Variants in EVL observed in about 807,000 individuals in gnomAD.
EVL encodes the protein ena/VASP-like protein.
A neutral mutation model predicts 59.6 loss-of-function variants in EVL; 21 were observed. The observed-to-expected ratio is 0.35, with a 90% CI of 0.25 to 0.51. The LOEUF (loss-of-function observed/expected upper bound fraction) is 0.51, where lower values mean the gene tolerates loss of function less well. Ranked by LOEUF, EVL falls within the 20% of genes least tolerant of loss-of-function variation. EVL has a pLI of 0.97. For synonymous variants in EVL, 198 were observed against 203.5 expected, an observed-to-expected ratio of 0.97 and a Z score of 0.23; for missense variants, 462 against 546.6, an observed-to-expected ratio of 0.85 and a Z score of 1.54.
At chr14:100,100,784 CAA>C (rs60820079) in intron 3 of EVL, among the ~76,000 whole-genome samples, 70 of 47,672 alleles carry the variant, frequency 1.5e-3, no homozygotes, top group South Asian at 5.4e-3. Context: ...GAGTCTGTCT[CAA>C]AAAAAAAAAA....
rs978996662 is a variant in EVL at position 99,972,070 on chromosome 14, C to G, written c.5+13C>G. 6.5e-6 allele frequency: 2 copies of G among 306,468 alleles called. No individual in the cohort carries two copies. The highest frequency in any genetic ancestry group is 4.4e-5 in the African/African-American group (2 of 45,230). The allele number at this position is 306,468 out of a possible 1,614,324, so 19.0% of individuals were successfully genotyped here. On this transcript the variant is annotated intron_variant, in intron 1 of 13. Coordinates refer to the EVL transcript ENST00000402714. This position sits in a 1 kb window ranked among gnomAD's most constrained non-coding sequence, Gnocchi z 4.4. ...CAGCGACAATGAGGTGAGTCGGGGCCGGCGCCTCGTGGGAGGTGGCAGCGG... is the reference window on the plus strand; with the variant it reads ...CAGCGACAATGAGGTGAGTCGGGGCGGGCGCCTCGTGGGAGGTGGCAGCGG...
At chr14:100,118,798 A>G (rs1345854706) in intron 3 of EVL, among the ~76,000 whole-genome samples, 1 of 152,094 alleles carries the variant, frequency 6.6e-6, no homozygotes, top group Non-Finnish European at 1.5e-5. Flanking sequence ...TCCCCAGCTC[A>G]TGGCTCCTAA....
intron 1 of EVL, chr14:99,974,189 C>T (rs1445959395): frequency 6.6e-6 from 1 of 152,164 alleles, no homozygotes; most frequent in Non-Finnish European, 1.5e-5. Flanking sequence ...ACAACCATTA[C>T]CACATCTAAT....
At chr14:99,988,597 G>A (rs939474555) in intron 1 of EVL, among the ~76,000 whole-genome samples, 20 of 152,132 alleles carry the variant, frequency 1.3e-4, no homozygotes, top group Admixed American at 3.9e-4. Flanking sequence ...ATAGCCAAGA[G>A]AAATTAGAAC....
intron 3 of EVL, among the ~76,000 whole-genome samples, chr14:100,119,720 C>G (rs773389360): frequency 2.0e-5 from 3 of 152,156 alleles, no homozygotes; most frequent in Non-Finnish European, 4.4e-5. Flanking sequence ...TATTCCTCAC[C>G]GCAGCTTGGT....
Position 100,141,792 on chromosome 14 carries a change from C to T in EVL, c.1218C>T (p.Asp406=), listed in dbSNP as rs375842545. Residue 406 remains aspartate, a splice_region_variant and synonymous_variant, in exon 13 of 14, where the codon GAC becomes GAT. Coordinates refer to ENST00000392920, the MANE Select transcript of EVL (RefSeq NM_016337.3). ...ELHKVKEEII[D]AIRQELSGIS... ...ACAAGGTGAAGGAGGAGATCATCGA[C>T]GGTGAGTGCAGCCCCACCGGGGAGG... 6.0e-5 allele frequency: 97 copies of T among 1,612,972 alleles called. No homozygotes were observed. The highest frequency in any genetic ancestry group is 3.3e-4 in the Middle Eastern group (2 of 5,974).
At chr14:100,057,741 C>T (rs1458518606) in intron 1 of EVL, among the ~76,000 whole-genome samples, 1 of 152,178 alleles carries the variant, frequency 6.6e-6, no homozygotes, top group Non-Finnish European at 1.5e-5. Context: ...GAATCTCTGG[C>T]AGATCCAATT....
In EVL at chr14:100,084,843, G is replaced by A; in HGVS notation, c.168G>A (p.Leu56=). The A allele has an allele frequency of 6.2e-7, 1 of 1,610,820 alleles. No homozygotes were observed. Among genetic ancestry groups the A allele is most frequent in the Non-Finnish European group, 8.5e-7 (1 of 1,177,996 alleles). ...SNTFRVVGVK[L]QDQQVVINYS... Reference sequence around the variant, plus strand: ...CCTTCAGAGTCGTTGGAGTCAAGTTGCAGGATCAGCAGGTCAGTGCTGGAA... The same window carrying A: ...CCTTCAGAGTCGTTGGAGTCAAGTTACAGGATCAGCAGGTCAGTGCTGGAA... The change falls in exon 2 of 14, where the codon TTG becomes TTA. Residue 56 remains leucine, a synonymous_variant. Transcript: ENST00000392920.
intron 2 of EVL, among the ~76,000 whole-genome samples, chr14:100,094,620 T>A (rs144540340): frequency 1.7e-3 from 258 of 151,998 alleles, no homozygotes; most frequent in Middle Eastern, 0.01. Context: ...GGCATGTACC[T>A]GTAGTCCCAG....
chr14:99,979,511 C>CT (rs1271292349), intron 1 of EVL, among the ~76,000 whole-genome samples: 1 of 151,848 alleles, frequency 6.6e-6, no homozygotes. Context: ...AGTTGGCCCT[C>CT]TGTGTCTGTC....
Position 99,972,177 on chromosome 14 carries a change from A to G in EVL, c.5+120A>G. The G allele has an allele frequency of 4.5e-6, 1 of 221,722 alleles. No individual in the cohort carries two copies. Among genetic ancestry groups the G allele is most frequent in the East Asian group, 7.6e-5 (1 of 13,214 alleles). The allele number at this position is 221,722 out of a possible 1,614,324, so 13.7% of individuals were successfully genotyped here. A position where few individuals can be genotyped will look rare whatever the true frequency, so the allele number is the denominator to read the frequency against. ...GCTCCACGGGCGCGGGGGCTTCCAG[A>G]GAACCGCGGGGGCTCTGCAGAGATT... On this transcript the variant is annotated intron_variant, in intron 1 of 13. Transcript: ENST00000402714. The surrounding 1 kb of genome is among the most constrained non-coding windows in gnomAD (Gnocchi z 4.4).
intron 1 of EVL, among the ~76,000 whole-genome samples, chr14:100,067,378 A>C (rs1375278166): frequency 6.6e-6 from 1 of 152,222 alleles, no homozygotes; most frequent in Admixed American, 6.5e-5. Flanking sequence ...CCAAGCCCTG[A>C]CTGGATTAGG....
intron 3 of EVL, among the ~76,000 whole-genome samples, chr14:100,098,824 G>T (rs1885996071): frequency 6.6e-6 from 1 of 152,170 alleles, no homozygotes; most frequent in African/African-American, 2.4e-5. Flanking sequence ...ATGTTTTTGT[G>T]CCTCAATTTC....
chr14:100,035,300 A>G (rs777971141), intron 1 of EVL, among the ~76,000 whole-genome samples: 12 of 151,078 alleles, frequency 7.9e-5, no homozygotes, highest in Admixed American at 4.6e-4. Context: ...AATGTTTTGC[A>G]TAGTTCCAAG....
At chr14:100,073,998 C>G (rs1483233671) in intron 1 of EVL, among the ~76,000 whole-genome samples, 7 of 130,136 alleles carry the variant, frequency 5.4e-5, no homozygotes, top group Non-Finnish European at 1.1e-4. Context: ...CAGGGAGTCA[C>G]CCCCGGGGGC....
chr14:99,990,864 C>T (rs529735073), intron 1 of EVL, among the ~76,000 whole-genome samples: 34 of 152,182 alleles, frequency 2.2e-4, no homozygotes, highest in African/African-American at 7.9e-4. Flanking sequence ...TCTTTGGATA[C>T]ATACCCGGAA....
rs77231209 is a variant in EVL, at chr14:100,069,855, C to T, written c.11+4344C>T. On this transcript the variant is annotated intron_variant, in intron 1 of 13. Transcript: ENST00000392920. ...TCTCAGTGTTATACACCAACCATTACGCTAGTTACATGATATACATACTAT... is the reference window on the plus strand; with the variant it reads ...TCTCAGTGTTATACACCAACCATTATGCTAGTTACATGATATACATACTAT... Among the ~76,000 whole-genome samples the T allele has an allele frequency of 2.3e-3, 351 of 152,162 alleles. 10 individuals are homozygous for T. The East Asian group carries it at 0.037, about 16-fold the overall frequency.
At chr14:100,051,908 G>A (rs1358659606) in intron 1 of EVL, among the ~76,000 whole-genome samples, 3 of 152,108 alleles carry the variant, frequency 2.0e-5, no homozygotes, top group Non-Finnish European at 4.4e-5. Flanking sequence ...CAGAAGAAAG[G>A]CATATCACTG....
At chr14:100,030,135 C>T (rs1453978280) in intron 1 of EVL, among the ~76,000 whole-genome samples, 1 of 150,758 alleles carries the variant, frequency 6.6e-6, no homozygotes, top group Non-Finnish European at 1.5e-5. Flanking sequence ...TCTTGTTGCC[C>T]AGGCTGGGGT....
Sources: gnomAD v4.1 joint callset for allele counts (sites outside exome capture counted in the v4.1 genomes callset) on GRCh38, gnomAD v4.1.1 for gene constraint, Gnocchi (gnomAD v3.1) non-coding constraint, MANE v1.5 for transcripts, NCBI Gene and HGNC (gene_info 2026-07-23, HGNC 2026-07-21) for gene names.